CDH13: variants seen among roughly 807,000 people sequenced by gnomAD.
CDH13 encodes the protein cadherin-13.
Under a neutral mutation model 63.8 loss-of-function variants are expected in CDH13, and 24 were observed. That is an observed-to-expected ratio of 0.38 (90% CI 0.27 to 0.53). CDH13 has a LOEUF of 0.53. CDH13 is among the 20% of genes least tolerant of loss of function. CDH13 has a pLI of 0.85. For synonymous variants in CDH13, 503 were observed against 355.3 expected (o/e 1.42, Z -4.67); for missense variants, 1,049 against 903.1 (o/e 1.16, Z -2.07).
At chr16:83,139,007 G>A (rs543040114) in intron 4 of CDH13, among the ~76,000 whole-genome samples, 1 of 152,152 alleles carries the variant, frequency 6.6e-6, no homozygotes, top group African/African-American at 2.4e-5. Flanking sequence ...ACCTGCGGAG[G>A]TGTTACTTTG....
chr16:83,004,847 C>A (rs543645050), intron 2 of CDH13, among the ~76,000 whole-genome samples: 16 of 152,304 alleles, frequency 1.1e-4, no homozygotes, highest in Admixed American at 7.2e-4. Context: ...ATTATGTCTC[C>A]AGCAAGTTAC....
chr16:83,391,002 T>C (rs935780457), intron 6 of CDH13, among the ~76,000 whole-genome samples: 2 of 152,176 alleles, frequency 1.3e-5, no homozygotes, highest in Admixed American at 6.5e-5. Context: ...ATTTAATTGC[T>C]GATTCAAACC....
At chr16:83,066,041 A>G (rs1275184010) in intron 3 of CDH13, among the ~76,000 whole-genome samples, 2 of 152,250 alleles carry the variant, frequency 1.3e-5, no homozygotes, top group African/African-American at 2.4e-5. Context: ...TGTCTTAAGC[A>G]TAAGAGCTGT....
intron 10 of CDH13, among the ~76,000 whole-genome samples, chr16:83,710,010 C>T (rs149682826): frequency 3.9e-5 from 6 of 152,304 alleles, no homozygotes; most frequent in Non-Finnish European, 7.3e-5. Context: ...TTGAATTATA[C>T]TAGAAAGGTG....
intron 6 of CDH13, among the ~76,000 whole-genome samples, chr16:83,360,473 T>G (rs550013791): frequency 6.7e-6 from 1 of 148,314 alleles, no homozygotes; most frequent in South Asian, 2.1e-4. Context: ...ATCTCAACCT[T>G]TTTTTTTTTG....
chr16:82,638,029 G>A (rs1908899737), intron 1 of CDH13, among the ~76,000 whole-genome samples: 3 of 152,236 alleles, frequency 2.0e-5, no homozygotes, highest in Non-Finnish European at 4.4e-5. Context: ...ATAGGAAGCA[G>A]TAGAGGCTGA....
chr16:83,235,137 C>T (rs1232169822), intron 5 of CDH13, among the ~76,000 whole-genome samples: 1 of 152,138 alleles, frequency 6.6e-6, no homozygotes, highest in African/African-American at 2.4e-5. Flanking sequence ...CCTGGGAGTT[C>T]AAGGCTGCGG....
rs60031294 is a variant in CDH13, at chr16:82,828,646, TTGTG to T, written c.46-29700_46-29697del. ...AAAATAAAAATAAAAATAGATGTGT[TTGTG>T]TGTGTGTGTGTGTGTATATATATAT... On this transcript the variant is annotated intron_variant, in intron 1 of 13. Transcript: ENST00000567109. 1.2e-3 allele frequency among the ~76,000 whole-genome samples: 178 copies of T among 142,646 alleles called. 1 individual carries two copies. Among genetic ancestry groups the T allele is most frequent in the Middle Eastern group, 3.4e-3 (1 of 294 alleles). 93.6% of individuals were successfully genotyped at this position (142,646 alleles called of 152,430 possible).
intron 6 of CDH13, among the ~76,000 whole-genome samples, chr16:83,465,561 C>T (rs11860430): frequency 0.45 from 68,944 of 152,012 alleles, 16,158 homozygotes; most frequent in Middle Eastern, 0.55. Flanking sequence ...CAATGGAAGC[C>T]GCCTTTTTAA....
At chr16:82,744,646 C>G (rs1360783543) in intron 1 of CDH13, among the ~76,000 whole-genome samples, 1 of 152,158 alleles carries the variant, frequency 6.6e-6, no homozygotes, top group Non-Finnish European at 1.5e-5. Context: ...CCCCTCCCTA[C>G]TACTCCTGGA....
intron 2 of CDH13, among the ~76,000 whole-genome samples, chr16:82,952,604 A>AT (rs1305048906): frequency 1.3e-5 from 2 of 152,192 alleles, no homozygotes; most frequent in African/African-American, 4.8e-5. Context: ...CTGTTTACTT[A>AT]TTACCTGCTA....
chr16:83,155,173 T>G (rs576634621), intron 4 of CDH13, among the ~76,000 whole-genome samples: 64 of 152,320 alleles, frequency 4.2e-4, no homozygotes, highest in African/African-American at 1.5e-3. Flanking sequence ...AGACAAGTAG[T>G]CTTCCCTGAG....
At chr16:83,556,272 A>G (rs1314523574) in intron 7 of CDH13, among the ~76,000 whole-genome samples, 1 of 152,200 alleles carries the variant, frequency 6.6e-6, no homozygotes, top group Non-Finnish European at 1.5e-5. Flanking sequence ...AGCCAGCCCT[A>G]AAAATCCTTG....
intron 1 of CDH13, among the ~76,000 whole-genome samples, chr16:82,679,669 C>G (rs994979273): frequency 2.6e-5 from 4 of 152,118 alleles, no homozygotes; most frequent in South Asian, 2.1e-4. Context: ...TTTAATCAGC[C>G]TTGGTTATGT....
At chr16:83,214,840 C>T (rs185876467) in intron 4 of CDH13, among the ~76,000 whole-genome samples, 81 of 151,966 alleles carry the variant, frequency 5.3e-4, no homozygotes, top group Admixed American at 2.7e-3. Context: ...TTCATACTCA[C>T]ACAGTGGATC....
intron 5 of CDH13, among the ~76,000 whole-genome samples, chr16:83,258,314 C>T (rs1017506956): frequency 2.0e-5 from 3 of 152,184 alleles, no homozygotes; most frequent in African/African-American, 7.2e-5. Context: ...TTGCAGCACC[C>T]TATTGGAAAT....
chr16:82,810,356 G>A (rs917322333), intron 1 of CDH13, among the ~76,000 whole-genome samples: 22 of 152,226 alleles, frequency 1.4e-4, no homozygotes, highest in African/African-American at 5.3e-4. Context: ...GAGGAGATGA[G>A]AGGATCTGTC....
intron 1 of CDH13, among the ~76,000 whole-genome samples, chr16:82,638,823 T>TGTGTGTGTGTGTGTGTGTGCGCGC (rs139451683): frequency 2.5e-4 from 37 of 150,790 alleles, no homozygotes; most frequent in African/African-American, 9.0e-4. Context: ...GGGCAGTGTG[T>TGTGTGTGTGTGTGTGTGTGCGCGC]GCGTGTGTGC....
At chr16:83,028,454 G>A (rs555596489) in intron 2 of CDH13, among the ~76,000 whole-genome samples, 100 of 152,248 alleles carry the variant, frequency 6.6e-4, no homozygotes, top group Non-Finnish European at 1.1e-3. Flanking sequence ...GCACCGCAGC[G>A]TGCAGTGCTC....
Sources: gnomAD v4.1 joint callset for allele counts (sites outside exome capture counted in the v4.1 genomes callset) on GRCh38, gnomAD v4.1.1 for gene constraint, MANE v1.5 for transcripts, NCBI Gene and HGNC (gene_info 2026-07-23, HGNC 2026-07-21) for gene names.